Variants in CCNY observed in about 807,000 individuals in gnomAD.
CCNY encodes the protein cyclin-Y.
Under a neutral mutation model 42.8 loss-of-function variants are expected in CCNY, and 19 were observed. That is an observed-to-expected ratio of 0.44 (90% confidence interval 0.31 to 0.65). The LOEUF is 0.65. Ranked by LOEUF, CCNY falls within the 30% of genes least tolerant of loss-of-function variation. The pLI is 0.07. For synonymous variants in CCNY, 165 were observed against 162.7 expected (o/e 1.01, Z -0.11); for missense variants, 370 against 437.3 (o/e 0.85, Z 1.37).
upstream of CCNY, among the ~76,000 whole-genome samples, chr10:35,333,742 T>C (rs1379147165): frequency 6.6e-6 from 1 of 152,192 alleles, no homozygotes; most frequent in African/African-American, 2.4e-5. Context: ...ACGAACGACA[T>C]CTCTCATTAC....
At chr10:35,549,567 CTCA>C (rs1841201057) in intron 7 of CCNY, among the ~76,000 whole-genome samples, 1 of 146,060 alleles carries the variant, frequency 6.8e-6, no homozygotes, top group Admixed American at 6.7e-5. Flanking sequence ...CCCTGCGCTG[CTCA>C]TGACACATGA....
At chr10:35,556,610 C>G (rs947010811) in intron 8 of CCNY, among the ~76,000 whole-genome samples, 1 of 152,122 alleles carries the variant, frequency 6.6e-6, no homozygotes, top group Non-Finnish European at 1.5e-5. Flanking sequence ...TTCCCCCTGA[C>G]AGAAGATTGG....
chr10:35,459,944 A>G (rs1000193004), intron 1 of CCNY, among the ~76,000 whole-genome samples: 9 of 152,162 alleles, frequency 5.9e-5, no homozygotes, highest in African/African-American at 1.7e-4. Flanking sequence ...AAAGGAAGGG[A>G]AAAAAAGGAT....
chr10:35,259,718 G>A (rs1351519961), intron 3 of CCNY, among the ~76,000 whole-genome samples: 2 of 145,414 alleles, frequency 1.4e-5, no homozygotes, highest in Non-Finnish European at 3.0e-5. Context: ...GGCCATGTTG[G>A]CCAGGCTGTT....
intron 1 of CCNY, among the ~76,000 whole-genome samples, chr10:35,460,289 A>G (rs984435661): frequency 1.1e-4 from 16 of 152,240 alleles, no homozygotes; most frequent in Admixed American, 3.9e-4. Context: ...TAGGCATTGC[A>G]TAAGAGAAAC....
rs183576619 is a variant in CCNY, at chr10:35,556,076, T to C, written c.746+2891T>C. ...ATCATTTTTTAGCCTGTTTTCTGTCTTTTTTGAAAGCTGTTGGTGCCCAGG... is the reference window on the plus strand; with the variant it reads ...ATCATTTTTTAGCCTGTTTTCTGTCCTTTTTGAAAGCTGTTGGTGCCCAGG... On this transcript the variant is annotated intron_variant, in intron 8 of 9. Transcript: ENST00000374704. 5.4e-4 allele frequency among the ~76,000 whole-genome samples: 82 copies of C among 152,344 alleles called. 1 individual carries two copies. Among genetic ancestry groups the C allele is most frequent in the African/African-American group, 1.8e-3 (76 of 41,586 alleles).
chr10:35,429,173 A>G (rs557850961), intron 1 of CCNY, among the ~76,000 whole-genome samples: 11 of 152,316 alleles, frequency 7.2e-5, no homozygotes, highest in South Asian at 4.1e-4. Context: ...TTGTATTTCA[A>G]TCAAAGCAAC....
chr10:35,476,751 C>G (rs1283648259), intron 1 of CCNY, among the ~76,000 whole-genome samples: 4 of 151,236 alleles, frequency 2.6e-5, no homozygotes, highest in Non-Finnish European at 5.9e-5. Flanking sequence ...CAAACACATT[C>G]AAAAGCTAGC....
intron 3 of CCNY, among the ~76,000 whole-genome samples, chr10:35,313,027 C>G (rs929020759): frequency 3.3e-5 from 5 of 152,120 alleles, no homozygotes; most frequent in African/African-American, 1.2e-4. Flanking sequence ...GAGATGTGGT[C>G]TTAGCTGTCT....
intron 3 of CCNY, among the ~76,000 whole-genome samples, chr10:35,292,959 T>C (rs1271477237): frequency 6.6e-6 from 1 of 151,718 alleles, no homozygotes; most frequent in East Asian, 2.0e-4. Context: ...TTTGTATTTT[T>C]ATTAAAGACA....
chr10:35,394,662 G>A (rs1478757412), intron 1 of CCNY, among the ~76,000 whole-genome samples: 1 of 152,208 alleles, frequency 6.6e-6, no homozygotes, highest in Admixed American at 6.5e-5. Flanking sequence ...GTATGCTGTC[G>A]CATAGACACT....
At chr10:35,477,675 A>C (rs1252727492) in intron 1 of CCNY, among the ~76,000 whole-genome samples, 1 of 149,886 alleles carries the variant, frequency 6.7e-6, no homozygotes, top group Non-Finnish European at 1.5e-5. Flanking sequence ...ACCCACAGCC[A>C]ATATCATACT....
chr10:35,498,796 T>C (rs772042486), intron 2 of CCNY, among the ~76,000 whole-genome samples: 6 of 152,190 alleles, frequency 3.9e-5, no homozygotes, highest in African/African-American at 7.2e-5. Flanking sequence ...GACCCTCTTA[T>C]GTTAGGAGGA....
chr10:35,346,589 C>T (rs1215367424), intron 1 of CCNY, among the ~76,000 whole-genome samples: 2 of 152,186 alleles, frequency 1.3e-5, no homozygotes, highest in African/African-American at 4.8e-5. Flanking sequence ...ACCTGTAAAT[C>T]TGTTTTTTTC....
chr10:35,562,800 T>C (rs1841492234), intron 8 of CCNY, among the ~76,000 whole-genome samples: 2 of 152,144 alleles, frequency 1.3e-5, no homozygotes, highest in Non-Finnish European at 2.9e-5. Flanking sequence ...TTCAAGACTT[T>C]GTTTCTCCTT....
chr10:35,528,537 A>G (rs956797130), intron 5 of CCNY, among the ~76,000 whole-genome samples: 1 of 152,160 alleles, frequency 6.6e-6, no homozygotes, highest in Non-Finnish European at 1.5e-5. Flanking sequence ...CTCCGTCTCT[A>G]CTAAAAATAC....
At chr10:35,543,745 T>G (rs1841053649) in intron 7 of CCNY, among the ~76,000 whole-genome samples, 1 of 151,720 alleles carries the variant, frequency 6.6e-6, no homozygotes, top group Non-Finnish European at 1.5e-5. Context: ...CTTAGGCAGG[T>G]CCTTCAGGAG....
intron 4 of CCNY, among the ~76,000 whole-genome samples, chr10:35,523,213 G>A (rs1288229273): frequency 6.6e-6 from 1 of 152,196 alleles, no homozygotes; most frequent in South Asian, 2.1e-4. Context: ...AAAAGACACA[G>A]CTGCAAGCAG....
At chr10:35,352,244 A>G (rs1382414384) in intron 1 of CCNY, among the ~76,000 whole-genome samples, 3 of 152,210 alleles carry the variant, frequency 2.0e-5, no homozygotes, top group East Asian at 3.8e-4. Context: ...ACACAATGCT[A>G]GTACTCCAAG....
Sources: allele counts gnomAD v4.1 joint callset (sites outside exome capture counted in the v4.1 genomes callset), GRCh38; gene constraint gnomAD v4.1.1; transcripts MANE v1.5; gene names NCBI Gene and HGNC (gene_info 2026-07-23, HGNC 2026-07-21).